ABCB5: variants seen among roughly 807,000 people sequenced by gnomAD.
ABCB5 encodes ATP binding cassette subfamily B member 5.
ABCB5 carries 155 observed loss-of-function variants against 144.2 expected under a neutral mutation model. That is an observed-to-expected ratio of 1.08 (90% CI 0.94 to 1.23). The LOEUF (loss-of-function observed/expected upper bound fraction) is 1.23, where lower values mean the gene tolerates loss of function less well. ABCB5 is among the 50% of genes most tolerant of loss of function. The pLI is 0.00. For synonymous variants in ABCB5, 610 were observed against 528.6 expected, an observed-to-expected ratio of 1.15 and a Z score of -2.11; for missense variants, 1,830 against 1,520.8, an observed-to-expected ratio of 1.20 and a Z score of -3.38.
At chr7:20,745,633 AC>A (rs1475394741) in intron 26 of ABCB5, among the ~76,000 whole-genome samples, 195 bp downstream of exon 26, 1 of 152,246 alleles carries the variant, frequency 6.6e-6, no homozygotes, top group Non-Finnish European at 1.5e-5. Context: ...TTTTCCTACG[AC>A]CAAAATGTAT....
intron 26 of ABCB5, among the ~76,000 whole-genome samples, chr7:20,747,982 G>C (rs960373251): frequency 6.6e-6 from 1 of 152,156 alleles, no homozygotes; most frequent in Non-Finnish European, 1.5e-5. Flanking sequence ...AGCCCTTCTG[G>C]GAACCAAGAA....
chr7:20,704,219 G>A (rs1391865204), intron 19 of ABCB5, among the ~76,000 whole-genome samples: 2 of 151,658 alleles, frequency 1.3e-5, no homozygotes, highest in Admixed American at 1.3e-4. Flanking sequence ...TGGGACCACA[G>A]GTGCACACCA....
intron 19 of ABCB5, among the ~76,000 whole-genome samples, chr7:20,704,370 C>G (rs1415120258): frequency 6.6e-6 from 1 of 152,010 alleles, no homozygotes; most frequent in Non-Finnish European, 1.5e-5. Flanking sequence ...ACCGCTCTGG[C>G]CTTCATCGCC....
intron 14 of ABCB5, among the ~76,000 whole-genome samples, chr7:20,679,617 A>G (rs1380078780): frequency 6.8e-6 from 1 of 146,054 alleles, no homozygotes; most frequent in Non-Finnish European, 1.5e-5. Context: ...ATACAGTTCT[A>G]ATAGAAAAAT....
intron 21 of ABCB5, 65 bp downstream of exon 21, chr7:20,723,284 A>C (rs979962480): frequency 6.8e-7 from 1 of 1,476,434 alleles, no homozygotes; most frequent in African/African-American, 1.4e-5. Flanking sequence ...ACTTTATGAT[A>C]TGTTAACTAT....
intron 5 of ABCB5, among the ~76,000 whole-genome samples, chr7:20,636,614 G>A (rs1041729958): frequency 4.6e-5 from 7 of 151,550 alleles, no homozygotes; most frequent in East Asian, 1.9e-4. Flanking sequence ...GTGAAACTCC[G>A]TCTCTATTAA....
chr7:20,649,101 T>TG (rs971786761), intron 11 of ABCB5, among the ~76,000 whole-genome samples: 9 of 152,226 alleles, frequency 5.9e-5, no homozygotes, highest in South Asian at 4.2e-4. Flanking sequence ...AATGAAATTT[T>TG]GGGGGGGTCC....
chr7:20,751,702 A>G (rs1379124445), intron 26 of ABCB5, among the ~76,000 whole-genome samples: 1 of 152,122 alleles, frequency 6.6e-6, no homozygotes, highest in Non-Finnish European at 1.5e-5. Flanking sequence ...TTAGTTTAAG[A>G]TTGAATCCCC....
intron 14 of ABCB5, chr7:20,667,559 T>C (rs886836010): frequency 1.0e-6 from 1 of 972,414 alleles, no homozygotes; most frequent in African/African-American, 1.8e-5. Context: ...TACACATTAA[T>C]TTGAGAACTG....
chr7:20,745,919 C>G (rs2128056147), intron 26 of ABCB5, among the ~76,000 whole-genome samples: 1 of 152,328 alleles, frequency 6.6e-6, no homozygotes, highest in Admixed American at 6.5e-5. Flanking sequence ...GCTGAAGCCT[C>G]TGTAATCTGG....
intron 13 of ABCB5, among the ~76,000 whole-genome samples, chr7:20,656,545 TA>T (rs1285759435): frequency 6.6e-6 from 1 of 152,126 alleles, no homozygotes; most frequent in Non-Finnish European, 1.5e-5. Context: ...AACTCTAAAA[TA>T]AAACGATAAT....
intron 19 of ABCB5, among the ~76,000 whole-genome samples, chr7:20,701,986 CTAAGA>C (rs1359093154): frequency 6.6e-6 from 1 of 152,148 alleles, no homozygotes; most frequent in African/African-American, 2.4e-5. Context: ...GATTTTTGTC[CTAAGA>C]TAAGACTTTT....
At chr7:20,745,495 A>G in intron 26 of ABCB5, 57 bp downstream of exon 26, 1 of 1,516,360 alleles carries the variant, frequency 6.6e-7, no homozygotes, top group Non-Finnish European at 9.1e-7. Context: ...CTAAGTAGCT[A>G]CTGGGCCTAT....
chr7:20,665,724 AAGATAGATAGAT>A (rs35101575), intron 14 of ABCB5, among the ~76,000 whole-genome samples: 23 of 134,588 alleles, frequency 1.7e-4, no homozygotes, highest in African/African-American at 3.0e-4. Flanking sequence ...TAGAGATGGA[AAGATAGATAGAT>A]AGATAGATAG....
rs186834371 is a variant in ABCB5, at chr7:20,689,122, A to G, written c.2010+3286A>G. ...CCTAGAACTTAAAGTATAATAATAA[A>G]ATAATAATAATAATAATAAAAGAAA... On this transcript the variant is annotated intron_variant, in intron 16 of 27. Coordinates refer to ENST00000404938, the MANE Select transcript of ABCB5 (RefSeq NM_001163941.2). Among the ~76,000 whole-genome samples the G allele has an allele frequency of 5.9e-5, 9 of 151,944 alleles. No homozygotes were observed. The East Asian group carries it at 1.7e-3, about 29-fold the overall frequency.
chr7:20,642,859 C>T (rs1021602600), intron 5 of ABCB5, among the ~76,000 whole-genome samples: 1 of 151,824 alleles, frequency 6.6e-6, no homozygotes, highest in African/African-American at 2.4e-5. Flanking sequence ...ATTTTTTTAC[C>T]CTCCAGTTCC....
In ABCB5 at chr7:20,643,965, T is replaced by G. The variant is rs79146650; in HGVS notation, c.678+333T>G. Among the ~76,000 whole-genome samples, 77 of 152,344 alleles carry G rather than the reference T, an allele frequency of 5.1e-4. No individual in the cohort carries two copies. In the East Asian group the frequency reaches 0.011, roughly 22 times the overall value. On this transcript the variant is annotated intron_variant, in intron 7 of 27. Transcript: ENST00000404938. ...AGTTGTTGCTGTTGGGACAGACTTG[T>G]TTGCTCTAAATTCACAGATCAACAT...
At chr7:20,632,223 A>G (rs1446177736) in intron 5 of ABCB5, 110 bp downstream of exon 5, 1 of 634,354 alleles carries the variant, frequency 1.6e-6, no homozygotes, top group South Asian at 2.7e-5. Flanking sequence ...TACATAACAA[A>G]TGATTAAAGC....
chr7:20,679,834 C>A (rs991755383), intron 14 of ABCB5, among the ~76,000 whole-genome samples: 1 of 152,110 alleles, frequency 6.6e-6, no homozygotes, highest in African/African-American at 2.4e-5. Flanking sequence ...AATAGGGCAA[C>A]CACTTTGAAA....
Sources: allele counts gnomAD v4.1 joint callset (sites outside exome capture counted in the v4.1 genomes callset), GRCh38; gene constraint gnomAD v4.1.1; transcripts MANE v1.5; gene names NCBI Gene and HGNC (gene_info 2026-07-23, HGNC 2026-07-21).